The following PDS5B variants were observed in gnomAD, a reference collection of about 807,000 sequenced individuals.
PDS5B encodes sister chromatid cohesion protein PDS5 homolog B.
In PDS5B, 51 loss-of-function variants were observed where a neutral mutation model predicts 184.1. The ratio of observed to expected loss-of-function variants is 0.28; its 90% CI spans 0.22 to 0.35. The LOEUF (loss-of-function observed/expected upper bound fraction) is 0.35, where lower values mean the gene tolerates loss of function less well. PDS5B is among the 10% of genes least tolerant of loss of function. PDS5B has a pLI of 1.00. For synonymous variants in PDS5B, 566 were observed against 569.2 expected, an observed-to-expected ratio of 0.99 and a Z score of 0.08; for missense variants, 1,180 against 1,723.3, an observed-to-expected ratio of 0.68 and a Z score of 5.58.
At position 32,770,198 on chromosome 13, in the gene PDS5B, G is replaced by C; in HGVS notation, c.3702G>C (p.Leu1234Phe). The change falls in exon 32 of 35, where the codon TTG (leucine) becomes TTC (phenylalanine). Residue 1234 changes from leucine (L) to phenylalanine (F), a missense_variant. Physicochemically the swap from Leu to Phe is conservative, Grantham distance 22 (BLOSUM62 0). Transcript: ENST00000315596. ...AGGAGAAATTAGGTATGGATGACTT[G>C]ACTAAGTTGGTACAGGAACAGAAAC... Reference protein sequence around the residue: ...EQEEKLGMDDLTKLVQEQKPK... With the variant: ...EQEEKLGMDDFTKLVQEQKPK... The C allele has an allele frequency of 6.8e-6, 11 of 1,613,956 alleles. No individual in the cohort carries two copies. The highest frequency in any genetic ancestry group is 8.5e-6 in the Non-Finnish European group (10 of 1,179,988).
At chr13:32,611,503 CTT>C (rs35825698) in intron 1 of PDS5B, among the ~76,000 whole-genome samples, 32,680 of 110,068 alleles carry the variant, frequency 0.3, 3,818 homozygotes, top group Middle Eastern at 0.36. Flanking sequence ...TTGGTTAAAA[CTT>C]TTTTTTTTTT....
At chr13:32,687,425 G>A (rs1333245315) in intron 12 of PDS5B, 140 bp downstream of exon 12, 1 of 588,140 alleles carries the variant, frequency 1.7e-6, no homozygotes, top group Non-Finnish European at 2.9e-6. Context: ...GAGTGACTGG[G>A]CTCATTCCCA....
chr13:32,606,361 A>C (rs1365537736), intron 1 of PDS5B, among the ~76,000 whole-genome samples: 1 of 152,178 alleles, frequency 6.6e-6, no homozygotes, highest in Admixed American at 6.5e-5. Context: ...TCTGGGTTGA[A>C]AATTCTTTTC....
intron 3 of PDS5B, 184 bp downstream of exon 3, chr13:32,652,191 T>G: frequency 1.8e-6 from 1 of 551,758 alleles, no homozygotes; most frequent in East Asian, 2.9e-5. Context: ...TTTCTGGTCT[T>G]GAGGTTAAGA....
At chr13:32,699,200 A>G (rs997305393) in intron 15 of PDS5B, among the ~76,000 whole-genome samples, 5 of 152,138 alleles carry the variant, frequency 3.3e-5, no homozygotes, top group African/African-American at 1.2e-4. Context: ...TTCTGCAAAG[A>G]CTCATTCTTT....
chr13:32,732,991 G>A (rs1953178292), intron 20 of PDS5B, among the ~76,000 whole-genome samples: 1 of 152,138 alleles, frequency 6.6e-6, no homozygotes, highest in Admixed American at 6.5e-5. Flanking sequence ...AGACCTGAAG[G>A]AGAAAGAAAA....
chr13:32,695,748 G>C (rs79059871), intron 14 of PDS5B, among the ~76,000 whole-genome samples: 1 of 151,938 alleles, frequency 6.6e-6, no homozygotes, highest in African/African-American at 2.4e-5. Context: ...TTTAGTTGGA[G>C]CTTCTTCATT....
chr13:32,664,097 G>T lies in PDS5B; in HGVS notation c.625-3667G>T, dbSNP rs527586470. On this transcript the variant is annotated intron_variant, in intron 6 of 34. Transcript: ENST00000315596. Reference sequence around the variant, plus strand: ...GTATTCCATGGTGTATATATACCATGTTTTCTTTATCCACTCATCAGTCAG... The same window carrying T: ...GTATTCCATGGTGTATATATACCATTTTTTCTTTATCCACTCATCAGTCAG... 2.0e-5 allele frequency among the ~76,000 whole-genome samples: 3 copies of T among 152,126 alleles called. No homozygotes were observed. The South Asian group carries it at 6.2e-4, about 32-fold the overall frequency.
intron 1 of PDS5B, among the ~76,000 whole-genome samples, chr13:32,598,168 C>T (rs1054318231): frequency 4.4e-5 from 6 of 137,530 alleles, no homozygotes; most frequent in South Asian, 2.2e-4. Flanking sequence ...CTCCACCTCC[C>T]GGGTTCAAGC....
intron 1 of PDS5B, among the ~76,000 whole-genome samples, chr13:32,597,906 T>A (rs1226315102): frequency 1.3e-5 from 2 of 151,770 alleles, no homozygotes; most frequent in African/African-American, 2.4e-5. Context: ...AATGATGAAT[T>A]TTTTTTTAAA....
intron 7 of PDS5B, among the ~76,000 whole-genome samples, chr13:32,670,970 A>G (rs1274611950): frequency 6.6e-6 from 1 of 152,236 alleles, no homozygotes; most frequent in Admixed American, 6.5e-5. Context: ...TTGCTGTACA[A>G]AAAAATTAAT....
chr13:32,667,705 T>A (rs1950838525), intron 6 of PDS5B, 59 bp from the exon 7 acceptor site: 1 of 929,684 alleles, frequency 1.1e-6, no homozygotes, highest in Admixed American at 2.6e-5. Context: ...TGAATACAGG[T>A]AATATTTTGC....
At chr13:32,603,443 C>G (rs1036286505) in intron 1 of PDS5B, among the ~76,000 whole-genome samples, 13 of 152,104 alleles carry the variant, frequency 8.5e-5, no homozygotes, top group Non-Finnish European at 1.9e-4. Context: ...CTTTTCTGTT[C>G]CATTGGTCTA....
At chr13:32,655,235 C>T (rs1013666051) in intron 3 of PDS5B, among the ~76,000 whole-genome samples, 6 of 150,018 alleles carry the variant, frequency 4.0e-5, no homozygotes, top group Non-Finnish European at 5.9e-5. Flanking sequence ...CTGACTGGTA[C>T]GAGATGATAT....
chr13:32,588,669 CT>C (rs2057728112), intron 1 of PDS5B, among the ~76,000 whole-genome samples: 2 of 152,148 alleles, frequency 1.3e-5, no homozygotes, highest in South Asian at 2.1e-4. Context: ...TGTCTCTCCC[CT>C]CTCCCCATAT....
At chr13:32,690,346 T>A (rs1370204591) in intron 13 of PDS5B, 1 of 152,300 alleles carries the variant, frequency 6.6e-6, no homozygotes, top group Non-Finnish European at 1.5e-5. Context: ...GACTGGTTGA[T>A]GCCTGATGCC....
In PDS5B at chr13:32,610,348, A is replaced by G. The variant is rs189718961; in HGVS notation, c.-20+23755A>G. Reference sequence around the variant, plus strand: ...GTTCTAATTCTAATGATATTCTCTGAAAGACAATTTTGAGGATTAGATAAA... The same window carrying G: ...GTTCTAATTCTAATGATATTCTCTGGAAGACAATTTTGAGGATTAGATAAA... On this transcript the variant is annotated intron_variant, in intron 1 of 34. Transcript: ENST00000315596. 1.9e-3 allele frequency among the ~76,000 whole-genome samples: 284 copies of G among 152,364 alleles called. 1 individual carries two copies. Among genetic ancestry groups the G allele is most frequent in the African/African-American group, 6.6e-3 (275 of 41,590 alleles).
intron 19 of PDS5B, among the ~76,000 whole-genome samples, chr13:32,731,425 T>A (rs918273232): frequency 4.6e-5 from 7 of 152,156 alleles, no homozygotes. Context: ...TGCTCACATG[T>A]TTCTTTATCA....
Position 32,775,671 on chromosome 13 carries a change from A to G in PDS5B, c.*619A>G, listed in dbSNP as rs1349990438. ...GAAGGATGCCTCTGATAGGAGGACA[A>G]CCATGCAAATTGTGAAATAGTCCTG... On this transcript the variant is annotated 3_prime_UTR_variant, in exon 35 of 35. Transcript: ENST00000315596. 21 of 456,174 alleles carry G rather than the reference A, an allele frequency of 4.6e-5. No homozygotes were observed. Among genetic ancestry groups the G allele is most frequent in the South Asian group, 2.2e-4 (14 of 64,534 alleles). 28.3% of individuals were successfully genotyped at this position (456,174 alleles called of 1,614,324 possible).
Sources: gnomAD v4.1 joint callset for allele counts (sites outside exome capture counted in the v4.1 genomes callset) on GRCh38, gnomAD v4.1.1 for gene constraint, MANE v1.5 for transcripts, NCBI Gene and HGNC (gene_info 2026-07-23, HGNC 2026-07-21) for gene names.